The following SLC35F4 variants were observed in gnomAD, a reference collection of about 807,000 sequenced individuals.
SLC35F4 encodes the protein chromosome 14 open reading frame 36.
In SLC35F4, 24 loss-of-function variants were observed where a neutral mutation model predicts 44.2. That is an observed-to-expected ratio of 0.54 (90% CI 0.39 to 0.76). The LOEUF (loss-of-function observed/expected upper bound fraction) is 0.76, where lower values mean the gene tolerates loss of function less well. Ranked by LOEUF, SLC35F4 falls within the 30% of genes least tolerant of loss-of-function variation. The probability of loss-of-function intolerance (pLI) is 0.00; values close to 1 mark genes in which losing one functional copy is unlikely to be tolerated. For synonymous variants in SLC35F4, 238 were observed against 223.6 expected (o/e 1.06, Z -0.57); for missense variants, 562 against 586.1 (o/e 0.96, Z 0.42).
intron 1 of SLC35F4, among the ~76,000 whole-genome samples, chr14:57,771,969 G>T (rs1950993): frequency 0.53 from 80,101 of 152,018 alleles, 25,222 homozygotes; most frequent in African/African-American, 0.86. Context: ...GTTCTCATAG[G>T]TAATTTCACT....
At chr14:57,780,691 C>T (rs1218572056) in intron 1 of SLC35F4, among the ~76,000 whole-genome samples, 2 of 152,012 alleles carry the variant, frequency 1.3e-5, no homozygotes, top group African/African-American at 2.4e-5. Context: ...AACTATGTTA[C>T]AGGATTACAG....
intron 1 of SLC35F4, among the ~76,000 whole-genome samples, chr14:57,923,380 A>G (rs544057171): frequency 5.4e-4 from 83 of 152,332 alleles, no homozygotes; most frequent in African/African-American, 1.8e-3. Flanking sequence ...GCTCACTGAC[A>G]TTCCTCCACG....
At chr14:57,642,938 T>C (rs2073316747) in intron 1 of SLC35F4, among the ~76,000 whole-genome samples, 1 of 151,998 alleles carries the variant, frequency 6.6e-6, no homozygotes, top group Admixed American at 6.6e-5. Flanking sequence ...ATTTATTCTC[T>C]TCCTCTTCTT....
At chr14:57,871,976 C>T (rs1469223455) in intron 1 of SLC35F4, among the ~76,000 whole-genome samples, 1 of 152,172 alleles carries the variant, frequency 6.6e-6, no homozygotes, top group Non-Finnish European at 1.5e-5. Context: ...TGTCTAAGAT[C>T]ACTAGTTCTT....
At chr14:57,913,664 T>A (rs577265642) in intron 1 of SLC35F4, among the ~76,000 whole-genome samples, 1 of 152,270 alleles carries the variant, frequency 6.6e-6, no homozygotes, top group Non-Finnish European at 1.5e-5. Context: ...TATACACACA[T>A]AAGCATACAT....
At chr14:57,648,534 A>G (rs2073642294) in intron 1 of SLC35F4, among the ~76,000 whole-genome samples, 1 of 152,224 alleles carries the variant, frequency 6.6e-6, no homozygotes, top group South Asian at 2.1e-4. Flanking sequence ...TAGATGCCAC[A>G]TGCAGTGAAT....
Position 57,672,783 on chromosome 14 carries a change from ATTTT to A in SLC35F4, c.104-78663_104-78660del, listed in dbSNP as rs10569229. ...AGACCTAGAAGGTAAATTTTATTTT[ATTTT>A]TTTTTTTTCACTTAGAATAACAAAG... On this transcript the variant is annotated intron_variant, in intron 1 of 7. Coordinates refer to ENST00000556826, the MANE Select transcript of SLC35F4 (RefSeq NM_001306087.2). 3.3e-4 allele frequency among the ~76,000 whole-genome samples: 49 copies of A among 150,614 alleles called. 1 individual carries two copies. The highest frequency in any genetic ancestry group is 1.2e-3 in the African/African-American group (48 of 40,972).
intron 1 of SLC35F4, among the ~76,000 whole-genome samples, chr14:57,810,689 AT>A (rs1336053014): frequency 6.6e-6 from 1 of 152,238 alleles, no homozygotes; most frequent in Non-Finnish European, 1.5e-5. Flanking sequence ...GTGTCTGCTC[AT>A]GGCCTATGCA....
At chr14:57,973,380 G>A (rs1881113213), downstream of SLC35F4, among the ~76,000 whole-genome samples, 1 of 152,176 alleles carries the variant, frequency 6.6e-6, no homozygotes, top group South Asian at 2.1e-4. Context: ...GTCTCAAGAA[G>A]TAATTATAGA....
At chr14:57,666,829 G>T (rs1371318318) in intron 1 of SLC35F4, among the ~76,000 whole-genome samples, 1 of 152,016 alleles carries the variant, frequency 6.6e-6, no homozygotes, top group Non-Finnish European at 1.5e-5. Flanking sequence ...GACCTAGTAG[G>T]CATGTGAAAA....
intron 1 of SLC35F4, among the ~76,000 whole-genome samples, chr14:57,941,073 G>A (rs1354352569): frequency 6.6e-6 from 1 of 152,162 alleles, no homozygotes; most frequent in Non-Finnish European, 1.5e-5. Flanking sequence ...GGAGAACTTG[G>A]AACCCTTGTA....
chr14:57,964,991 A>AATATATATATATATATATATAT (rs1212108605), intron 1 of SLC35F4, among the ~76,000 whole-genome samples: 17 of 115,670 alleles, frequency 1.5e-4, no homozygotes, highest in African/African-American at 5.1e-4. Context: ...AAAAAAAAAA[A>AATATATATATATATATATATAT]ATATATATAT....
At chr14:57,751,350 A>G (rs2076880694) in intron 1 of SLC35F4, among the ~76,000 whole-genome samples, 1 of 152,184 alleles carries the variant, frequency 6.6e-6, no homozygotes, top group Non-Finnish European at 1.5e-5. Flanking sequence ...TGGCATAGAG[A>G]GAAGGTAAGA....
At chr14:57,845,419 T>C (rs1203895392) in intron 1 of SLC35F4, among the ~76,000 whole-genome samples, 4 of 152,210 alleles carry the variant, frequency 2.6e-5, no homozygotes. Flanking sequence ...AAGGGTAAAA[T>C]GCATACAACT....
At chr14:57,574,899 C>T (rs2068701147) in intron 4 of SLC35F4, among the ~76,000 whole-genome samples, 1 of 150,602 alleles carries the variant, frequency 6.6e-6, no homozygotes, top group Non-Finnish European at 1.5e-5. Flanking sequence ...ATACTCTGTT[C>T]TTCTCAACAG....
intron 1 of SLC35F4, among the ~76,000 whole-genome samples, chr14:57,681,465 C>T (rs2074901688): frequency 6.6e-6 from 1 of 151,660 alleles, no homozygotes; most frequent in South Asian, 2.1e-4. Context: ...GGCAAATAAC[C>T]TTATATAAAA....
At position 57,680,090 on chromosome 14, in the gene SLC35F4, A is replaced by G. The variant is rs140969097; in HGVS notation, c.104-85966T>C. On this transcript the variant is annotated intron_variant, in intron 1 of 7. Coordinates refer to ENST00000556826, the MANE Select transcript of SLC35F4 (RefSeq NM_001306087.2). ...AACAAAAAAAGGAAATTTCAGGCCA[A>G]TATACCTGATGAACATTGACACAAA... 8.9e-3 allele frequency among the ~76,000 whole-genome samples: 1,359 copies of G among 152,238 alleles called. 35 individuals are homozygous for G. The highest frequency in any genetic ancestry group is 0.031 in the African/African-American group (1,276 of 41,490).
At chr14:57,750,376 A>G (rs1197621601) in intron 1 of SLC35F4, among the ~76,000 whole-genome samples, 1 of 152,136 alleles carries the variant, frequency 6.6e-6, no homozygotes, top group Non-Finnish European at 1.5e-5. Context: ...TCTTTGATAT[A>G]TTGATTACTT....
At chr14:57,851,352 T>C (rs1214264497) in intron 1 of SLC35F4, among the ~76,000 whole-genome samples, 1 of 152,226 alleles carries the variant, frequency 6.6e-6, no homozygotes, top group African/African-American at 2.4e-5. Flanking sequence ...TCCAATGTAA[T>C]AAACTGCATG....
Sources: allele counts gnomAD v4.1 joint callset (sites outside exome capture counted in the v4.1 genomes callset), GRCh38; gene constraint gnomAD v4.1.1; transcripts MANE v1.5; gene names NCBI Gene and HGNC (gene_info 2026-07-23, HGNC 2026-07-21).